PRPS2: variants seen among roughly 807,000 people sequenced by gnomAD.
PRPS2 encodes phosphoribosyl pyrophosphate synthetase 2.
For missense variants in PRPS2, 104 were observed against 271.5 expected, an observed-to-expected ratio of 0.38 and a Z score of 4.34; for synonymous variants, 111 against 115.3, an observed-to-expected ratio of 0.96 and a Z score of 0.24.
Position 12,820,632 on chromosome X carries a change from G to A in PRPS2, c.705-12G>A, listed in dbSNP as rs757906027. The A allele has an allele frequency of 8.3e-7, 1 of 1,198,835 alleles. No individual in the cohort carries two copies. The highest frequency in any genetic ancestry group is 3.0e-5 in the East Asian group (1 of 33,475). On this transcript the variant is annotated splice_polypyrimidine_tract_variant and intron_variant, in intron 5 of 6. Coordinates refer to ENST00000380668, the MANE Select transcript of PRPS2 (RefSeq NM_002765.5). Reference sequence around the variant, plus strand: ...TGCATACCCTTAATTTTTATCTTCTGCTGTTCTACAGGCTGCTGTCAGCTG... The same window carrying A: ...TGCATACCCTTAATTTTTATCTTCTACTGTTCTACAGGCTGCTGTCAGCTG...
chrX:12,807,082 G>A (rs2042597287), intron 2 of PRPS2, among the ~76,000 whole-genome samples: 2 of 72,639 alleles, frequency 2.8e-5, no homozygotes, highest in Admixed American at 1.6e-4. Context: ...TTCTTTGAAC[G>A]TGTGTCCTGG....
At chrX:12,799,442 T>C (rs1482181347) in intron 2 of PRPS2, 52 bp downstream of exon 2, 12 of 1,101,282 alleles carry the variant, frequency 1.1e-5, no homozygotes, top group Non-Finnish European at 1.5e-5. Context: ...GTCAATGTTG[T>C]TTTTCCTCAT....
At chrX:12,798,340 C>T (rs964598933) in intron 1 of PRPS2, among the ~76,000 whole-genome samples, 5 of 112,114 alleles carry the variant, frequency 4.5e-5, no homozygotes, top group Admixed American at 3.8e-4. Flanking sequence ...GGGATGATGG[C>T]GAGATGGGAA....
chrX:12,816,023 TAAGGAA>T (rs1198930031), intron 4 of PRPS2, among the ~76,000 whole-genome samples: 1 of 111,721 alleles, frequency 9.0e-6, no homozygotes, highest in Non-Finnish European at 1.9e-5. Context: ...AATCTTTAAG[TAAGGAA>T]ACTGTTGACA....
rs750474824 is a variant in PRPS2 at position 12,807,966 on chromosome X, C to G, written c.307-1268C>G. On this transcript the variant is annotated intron_variant, in intron 2 of 6. Coordinates refer to ENST00000380668, the MANE Select transcript of PRPS2 (RefSeq NM_002765.5). Reference sequence around the variant, plus strand: ...CACTGCAACCTCTGTCTCCAGGGTTCAAGCAATTCTCCTGCCTCAGCCTCC... The same window carrying G: ...CACTGCAACCTCTGTCTCCAGGGTTGAAGCAATTCTCCTGCCTCAGCCTCC... Among the ~76,000 whole-genome samples the G allele has an allele frequency of 2.9e-5, 3 of 102,712 alleles. No individual in the cohort carries two copies. The East Asian group carries it at 9.5e-4, about 33-fold the overall frequency. 89.2% of individuals were successfully genotyped at this position (102,712 alleles called of 115,157 possible).
intron 2 of PRPS2, among the ~76,000 whole-genome samples, chrX:12,800,352 C>T (rs2042563337): frequency 8.9e-6 from 1 of 111,849 alleles, no homozygotes; most frequent in African/African-American, 3.3e-5. Context: ...TTCTCTGTTT[C>T]TTATAAGGAC....
chrX:12,797,251 G>A (rs1487715611), intron 1 of PRPS2, among the ~76,000 whole-genome samples: 2 of 110,106 alleles, frequency 1.8e-5, no homozygotes, highest in African/African-American at 6.6e-5. Context: ...CGAGCTACTC[G>A]GGAGGCTGAG....
rs758267403 is a variant in PRPS2 at position 12,820,180 on chromosome X, T to C, written c.705-464T>C. 4.9e-4 allele frequency among the ~76,000 whole-genome samples: 55 copies of C among 112,738 alleles called. 1 individual carries two copies. Among genetic ancestry groups the C allele is most frequent in the African/African-American group, 1.8e-3 (55 of 31,029 alleles). On this transcript the variant is annotated intron_variant, in intron 5 of 6. Coordinates refer to ENST00000380668, the MANE Select transcript of PRPS2 (RefSeq NM_002765.5). ...TGGAGACTTAATATGAAACAATGAATATATATCTCATTTACATATATGTTT... is the reference window on the plus strand; with the variant it reads ...TGGAGACTTAATATGAAACAATGAACATATATCTCATTTACATATATGTTT...
chrX:12,815,093 C>G (rs937708113), intron 4 of PRPS2, among the ~76,000 whole-genome samples: 4 of 112,641 alleles, frequency 3.6e-5, no homozygotes, highest in Non-Finnish European at 5.6e-5. Context: ...CCATGATATA[C>G]AAGGAAAAGA....
chrX:12,806,433 G>A (rs1426935670), intron 2 of PRPS2, among the ~76,000 whole-genome samples: 1 of 112,258 alleles, frequency 8.9e-6, no homozygotes, highest in African/African-American at 3.2e-5. Flanking sequence ...TTTTCACTAA[G>A]GGAGCTGAAT....
chrX:12,819,218 C>T (rs1342445005), intron 4 of PRPS2, among the ~76,000 whole-genome samples: 1 of 112,618 alleles, frequency 8.9e-6, no homozygotes. Context: ...AAAATGCTAC[C>T]CACAAATACT....
At chrX:12,807,865 CTTTT>C (rs66529320) in intron 2 of PRPS2, among the ~76,000 whole-genome samples, 2 of 56,838 alleles carry the variant, frequency 3.5e-5, no homozygotes, top group Non-Finnish European at 6.1e-5. Context: ...ACATGCATAC[CTTTT>C]TTTTTTTTTT....
chrX:12,810,154 G>A lies in PRPS2; in HGVS notation c.530+8G>A, dbSNP rs1569096547. ...CGCAGGGGGAGCCAAAAGGTATCAT[G>A]CAGGCTACACCTTGCAGATTTCTCC... On this transcript the variant is annotated splice_region_variant and intron_variant, in intron 4 of 6. Coordinates refer to ENST00000380668, the MANE Select transcript of PRPS2 (RefSeq NM_002765.5). 1.7e-6 allele frequency: 2 copies of A among 1,211,485 alleles called. No homozygotes were observed. Among genetic ancestry groups the A allele is most frequent in the Non-Finnish European group, 2.2e-6 (2 of 895,339 alleles).
intron 2 of PRPS2, among the ~76,000 whole-genome samples, chrX:12,799,836 G>A (rs944957456): frequency 9.0e-6 from 1 of 110,822 alleles, no homozygotes; most frequent in Non-Finnish European, 1.9e-5. Flanking sequence ...GGATCTCTGC[G>A]TTGTTTCATA....
At chrX:12,799,159 G>A in intron 1 of PRPS2, 48 bp from the exon 2 acceptor site, 1 of 1,171,424 alleles carries the variant, frequency 8.5e-7, no homozygotes, top group Non-Finnish European at 1.2e-6. Context: ...GGACGCCCAA[G>A]ATGCAAATAT....
rs2042557878 is a variant in PRPS2 at position 12,799,187 on chromosome X, T to C, written c.123-20T>C. ...GCAAATATGCTTCGATATTAACCGA[T>C]GGCAGTTTTCTTTTCCTAGCGTGGA... On this transcript the variant is annotated intron_variant, in intron 1 of 6. Coordinates refer to ENST00000380668, the MANE Select transcript of PRPS2 (RefSeq NM_002765.5). 1 of 1,204,785 alleles carries C rather than the reference T, an allele frequency of 8.3e-7. No individual in the cohort carries two copies. Among genetic ancestry groups the C allele is most frequent in the Admixed American group, 2.2e-5 (1 of 45,524 alleles).
intron 2 of PRPS2, among the ~76,000 whole-genome samples, chrX:12,799,854 A>G (rs1284795634): frequency 9.0e-6 from 1 of 111,673 alleles, no homozygotes; most frequent in Admixed American, 9.5e-5. Flanking sequence ...ATACAACTGC[A>G]TGTCTATCTA....
chrX:12,808,889 A>G (rs1474876900), intron 2 of PRPS2, among the ~76,000 whole-genome samples: 2 of 110,237 alleles, frequency 1.8e-5, no homozygotes, highest in Non-Finnish European at 3.8e-5. Flanking sequence ...CCTTCCTACT[A>G]CTATCATCTC....
intron 1 of PRPS2, among the ~76,000 whole-genome samples, chrX:12,796,597 T>C (rs1262754753): frequency 1.8e-5 from 2 of 111,887 alleles, no homozygotes; most frequent in Non-Finnish European, 3.8e-5. Context: ...TCATGTTCCT[T>C]ATTTGTAATT....
Sources: allele counts gnomAD v4.1 joint callset (sites outside exome capture counted in the v4.1 genomes callset), GRCh38; gene constraint gnomAD v4.1.1; transcripts MANE v1.5; gene names NCBI Gene and HGNC (gene_info 2026-07-23, HGNC 2026-07-21).